Variants in GRIA4 observed in about 807,000 individuals in gnomAD.
The protein encoded by GRIA4 is glutamate receptor 4.
Under a neutral mutation model 104.0 loss-of-function variants are expected in GRIA4, and 34 were observed. That is an observed-to-expected ratio of 0.33 (90% confidence interval 0.25 to 0.44). The LOEUF is 0.44. Ranked by LOEUF, GRIA4 falls within the 20% of genes least tolerant of loss-of-function variation. The pLI is 1.00. For synonymous variants in GRIA4, 386 were observed against 381.9 expected (o/e 1.01, Z -0.13); for missense variants, 750 against 1,096.5 (o/e 0.68, Z 4.46).
intron 5 of GRIA4, among the ~76,000 whole-genome samples, chr11:105,870,755 G>A (rs2049742851): frequency 6.6e-6 from 1 of 152,064 alleles, no homozygotes; most frequent in South Asian, 2.1e-4. Context: ...CAGATTATGA[G>A]TGGCCTCATG....
chr11:105,645,624 T>C (rs1023364620), intron 3 of GRIA4, among the ~76,000 whole-genome samples: 1 of 152,144 alleles, frequency 6.6e-6, no homozygotes, highest in Admixed American at 6.6e-5. Flanking sequence ...CTACAAAACT[T>C]CCTTTAAAAA....
At chr11:105,883,500 A>C (rs539356464) in intron 5 of GRIA4, among the ~76,000 whole-genome samples, 117 of 140,900 alleles carry the variant, frequency 8.3e-4, no homozygotes, top group Admixed American at 1.7e-3. Flanking sequence ...TTGTTCAATT[A>C]CCACCTATGA....
intron 4 of GRIA4, among the ~76,000 whole-genome samples, chr11:105,793,756 G>C (rs896531258): frequency 1.3e-5 from 2 of 152,108 alleles, no homozygotes; most frequent in Non-Finnish European, 1.5e-5. Flanking sequence ...TCAATACACA[G>C]GCAGAGAATG....
chr11:105,926,099 C>T (rs1947695807), intron 12 of GRIA4, among the ~76,000 whole-genome samples: 1 of 151,968 alleles, frequency 6.6e-6, no homozygotes, highest in Non-Finnish European at 1.5e-5. Flanking sequence ...AATGGACTAT[C>T]AAGCAAACAA....
At chr11:105,698,006 G>C (rs1474256643) in intron 3 of GRIA4, among the ~76,000 whole-genome samples, 14 of 152,044 alleles carry the variant, frequency 9.2e-5, no homozygotes, top group Non-Finnish European at 1.9e-4. Flanking sequence ...CAGTGGAGAT[G>C]GCAATGATTT....
At chr11:105,815,794 C>G (rs899789997) in intron 4 of GRIA4, among the ~76,000 whole-genome samples, 1 of 152,054 alleles carries the variant, frequency 6.6e-6, no homozygotes, top group Non-Finnish European at 1.5e-5. Context: ...TTTAGGAAAT[C>G]AAGATAGCTT....
intron 3 of GRIA4, among the ~76,000 whole-genome samples, chr11:105,714,711 A>G (rs1954030791): frequency 6.6e-6 from 1 of 152,138 alleles, no homozygotes; most frequent in South Asian, 2.1e-4. Context: ...TTATGATGAC[A>G]ACATCTGTTT....
chr11:105,940,938 C>T (rs1426762350), intron 14 of GRIA4, among the ~76,000 whole-genome samples: 2 of 152,238 alleles, frequency 1.3e-5, no homozygotes, highest in East Asian at 3.9e-4. Flanking sequence ...AAAACTGTAG[C>T]TCATTTATTT....
chr11:105,878,942 A>G (rs1945942508), intron 5 of GRIA4, among the ~76,000 whole-genome samples: 1 of 152,178 alleles, frequency 6.6e-6, no homozygotes, highest in Non-Finnish European at 1.5e-5. Context: ...TGGGGTATGA[A>G]AAAAACTCCT....
chr11:105,922,591 T>C (rs562938860), intron 11 of GRIA4, among the ~76,000 whole-genome samples: 1 of 152,278 alleles, frequency 6.6e-6, no homozygotes, highest in East Asian at 1.9e-4. Flanking sequence ...ATTTTTCCAA[T>C]AAAGCATTTG....
chr11:105,705,766 G>A (rs933440368), intron 3 of GRIA4, among the ~76,000 whole-genome samples: 1 of 152,144 alleles, frequency 6.6e-6, no homozygotes, highest in African/African-American at 2.4e-5. Context: ...CTCTTGGTGG[G>A]ACTACGGGGA....
chr11:105,938,153 T>C (rs1011817542), intron 14 of GRIA4, among the ~76,000 whole-genome samples: 2 of 152,238 alleles, frequency 1.3e-5, no homozygotes, highest in African/African-American at 4.8e-5. Flanking sequence ...GAGAATTTGC[T>C]GGGGCAGGTG....
chr11:105,757,821 G>A (rs1940398634), intron 4 of GRIA4, among the ~76,000 whole-genome samples: 1 of 152,134 alleles, frequency 6.6e-6, no homozygotes. Flanking sequence ...AAAGGTGATG[G>A]TGCCCTACTC....
intron 3 of GRIA4, among the ~76,000 whole-genome samples, chr11:105,634,509 G>T (rs1951146291): frequency 3.1e-5 from 2 of 63,506 alleles, no homozygotes; most frequent in African/African-American, 4.6e-5. Context: ...AAGAAAGAAA[G>T]AAAGAAGAAA....
intron 3 of GRIA4, among the ~76,000 whole-genome samples, chr11:105,625,499 G>C (rs963129763): frequency 1.8e-4 from 27 of 152,142 alleles, no homozygotes; most frequent in African/African-American, 6.3e-4. Context: ...ACATAACATA[G>C]TTTCTAAAAC....
chr11:105,810,449 C>A (rs1401172678), intron 4 of GRIA4, among the ~76,000 whole-genome samples: 1 of 152,118 alleles, frequency 6.6e-6, no homozygotes, highest in Non-Finnish European at 1.5e-5. Context: ...AGACTCCAGG[C>A]AATGACATTT....
intron 13 of GRIA4, among the ~76,000 whole-genome samples, chr11:105,932,503 T>C (rs1947910006): frequency 6.6e-6 from 1 of 152,128 alleles, no homozygotes. Context: ...GACATTTCAG[T>C]TCACTAAAAA....
chr11:105,825,346 A>G (rs745596036), intron 4 of GRIA4, among the ~76,000 whole-genome samples: 29 of 152,072 alleles, frequency 1.9e-4, no homozygotes, highest in Non-Finnish European at 3.8e-4. Flanking sequence ...AGGCCTAGGC[A>G]TTTATGGGAA....
At chr11:105,872,426 G>A (rs1301743593) in intron 5 of GRIA4, among the ~76,000 whole-genome samples, 1 of 152,038 alleles carries the variant, frequency 6.6e-6, no homozygotes, top group Non-Finnish European at 1.5e-5. Context: ...GAGAATCACA[G>A]AATCATAGAC....
Sources: allele counts gnomAD v4.1 joint callset (sites outside exome capture counted in the v4.1 genomes callset), GRCh38; gene constraint gnomAD v4.1.1; transcripts MANE v1.5; gene names NCBI Gene and HGNC (gene_info 2026-07-23, HGNC 2026-07-21).